Variants in KCNK2 observed in about 807,000 individuals in gnomAD.
The protein encoded by KCNK2 is potassium two pore domain channel subfamily K member 2.
In KCNK2, 21 loss-of-function variants were observed where a neutral mutation model predicts 40.5. That is an observed-to-expected ratio of 0.52 (90% CI 0.37 to 0.75). KCNK2 has a LOEUF of 0.75. Ranked by LOEUF, KCNK2 falls within the 30% of genes least tolerant of loss-of-function variation. The probability of loss-of-function intolerance (pLI) is 0.00; values close to 1 mark genes in which losing one functional copy is unlikely to be tolerated. For synonymous variants in KCNK2, 191 were observed against 202.2 expected, an observed-to-expected ratio of 0.94 and a Z score of 0.47; for missense variants, 399 against 531.6, an observed-to-expected ratio of 0.75 and a Z score of 2.45.
At position 215,129,133 on chromosome 1, in the gene KCNK2, T is replaced by G. The variant is rs141316147; in HGVS notation, c.475+4383T>G. Reference sequence around the variant, plus strand: ...ACAAGAATCAATAGGCCTTGGTGACTAATAGAATGAAGAGACAAGAGTCAA... The same window carrying G: ...ACAAGAATCAATAGGCCTTGGTGACGAATAGAATGAAGAGACAAGAGTCAA... On this transcript the variant is annotated intron_variant, in intron 3 of 6. Transcript: ENST00000444842. Among the ~76,000 whole-genome samples, 331 of 152,274 alleles carry G rather than the reference T, an allele frequency of 2.2e-3. 1 individual carries two copies. The highest frequency in any genetic ancestry group is 7.4e-3 in the African/African-American group (306 of 41,560).
At chr1:215,030,709 ATTTTTTT>A (rs66479154) in intron 1 of KCNK2, among the ~76,000 whole-genome samples, 57 of 140,256 alleles carry the variant, frequency 4.1e-4, no homozygotes, top group African/African-American at 1.5e-3. Flanking sequence ...TAATTTTTGT[ATTTTTTT>A]TTTTTTTTTT....
intron 5 of KCNK2, among the ~76,000 whole-genome samples, chr1:215,175,104 T>C (rs1663899002): frequency 6.6e-6 from 1 of 152,200 alleles, no homozygotes; most frequent in African/African-American, 2.4e-5. Context: ...GGCTGTGGGT[T>C]TGTCATAAAT....
Position 215,189,316 on chromosome 1 carries a change from C to T in KCNK2, c.824-5637C>T, listed in dbSNP as rs375614535. Among the ~76,000 whole-genome samples, 91 of 152,190 alleles carry T rather than the reference C, an allele frequency of 6.0e-4. No homozygotes were observed. In the South Asian group the frequency reaches 0.018, roughly 30 times the overall value. Reference sequence around the variant, plus strand: ...AAAAGCATTCAGTGATTGATAATTACGGCTTTGTGAGGCAGGAAGTAAATT... The same window carrying T: ...AAAAGCATTCAGTGATTGATAATTATGGCTTTGTGAGGCAGGAAGTAAATT... On this transcript the variant is annotated intron_variant, in intron 5 of 6. Coordinates refer to ENST00000444842, the MANE Select transcript of KCNK2 (RefSeq NM_001017425.3).
intron 1 of KCNK2, among the ~76,000 whole-genome samples, chr1:215,069,594 A>C (rs1658677494): frequency 6.6e-6 from 1 of 152,130 alleles, no homozygotes; most frequent in Non-Finnish European, 1.5e-5. Flanking sequence ...TTGAGTTCTT[A>C]ATATATTTGG....
intron 3 of KCNK2, among the ~76,000 whole-genome samples, chr1:215,149,834 A>G (rs752630617): frequency 3.3e-5 from 5 of 152,194 alleles, no homozygotes; most frequent in Non-Finnish European, 5.9e-5. Context: ...TTAGGTCCAC[A>G]CTCTGAAACT....
intron 1 of KCNK2, among the ~76,000 whole-genome samples, chr1:215,027,581 G>A (rs190215457): frequency 3.3e-5 from 5 of 152,194 alleles, no homozygotes; most frequent in African/African-American, 1.2e-4. Flanking sequence ...ACCCTACTTG[G>A]CCAGTTTGGG....
chr1:215,116,280 G>A (rs981618529), intron 2 of KCNK2, among the ~76,000 whole-genome samples: 5 of 152,112 alleles, frequency 3.3e-5, no homozygotes, highest in South Asian at 2.1e-4. Context: ...CTATTAAAAC[G>A]TGAATATATG....
At chr1:215,050,142 C>A (rs1468304342) in intron 1 of KCNK2, among the ~76,000 whole-genome samples, 2 of 152,028 alleles carry the variant, frequency 1.3e-5, no homozygotes, top group African/African-American at 4.8e-5. Context: ...TGAAATTCTA[C>A]TTTTTGTCTC....
chr1:215,208,821 T>C (rs1267065298), intron 6 of KCNK2, among the ~76,000 whole-genome samples: 1 of 152,052 alleles, frequency 6.6e-6, no homozygotes, highest in African/African-American at 2.4e-5. Flanking sequence ...TCAATTTCCC[T>C]TTGCCTATTC....
chr1:215,095,987 G>A (rs1659961320), intron 2 of KCNK2, among the ~76,000 whole-genome samples: 2 of 152,096 alleles, frequency 1.3e-5, no homozygotes, highest in African/African-American at 4.8e-5. Context: ...ATCAGGGAAG[G>A]CAAGAGTGGG....
At chr1:215,084,212 A>G (rs1189792942) in intron 1 of KCNK2, among the ~76,000 whole-genome samples, 2 of 134,170 alleles carry the variant, frequency 1.5e-5, no homozygotes, top group Non-Finnish European at 3.1e-5. Flanking sequence ...ACACACACAC[A>G]CACACACTCT....
At chr1:215,086,720 G>C (rs1659462608) in intron 2 of KCNK2, 42 bp downstream of exon 2, 1 of 1,558,918 alleles carries the variant, frequency 6.4e-7, no homozygotes, top group East Asian at 2.2e-5. Context: ...CCCCCAAATG[G>C]GAAATAAAGT....
rs200197016 is a variant in KCNK2, at chr1:215,010,861, T to G, written c.34+4906T>G. ...GCTCACAGGACACAGATTTTTTTTT[T>G]TTTTTTTTGTGTGTGTGTGTGTGTG... On this transcript the variant is annotated intron_variant, in intron 1 of 6. Transcript: ENST00000391895. 2.5e-3 allele frequency among the ~76,000 whole-genome samples: 337 copies of G among 133,380 alleles called. 1 individual carries two copies. Among genetic ancestry groups the G allele is most frequent in the Middle Eastern group, 7.8e-3 (2 of 258 alleles). The allele number at this position is 133,380 out of a possible 152,430, so 87.5% of individuals were successfully genotyped here. A position where few individuals can be genotyped will look rare whatever the true frequency, so the allele number is the denominator to read the frequency against.
rs189140167 is a variant in KCNK2 at position 215,051,175 on chromosome 1, A to C, written c.35-35193A>C. Among the ~76,000 whole-genome samples, 443 of 152,288 alleles carry C rather than the reference A, an allele frequency of 2.9e-3. 5 individuals are homozygous for C. Among genetic ancestry groups the C allele is most frequent in the African/African-American group, 0.01 (427 of 41,548 alleles). Reference sequence around the variant, plus strand: ...ACCGCCACCTCGAAATCCTAGATTCAAGCAATCCTCCTCCTTCAGCCTCCT... The same window carrying C: ...ACCGCCACCTCGAAATCCTAGATTCCAGCAATCCTCCTCCTTCAGCCTCCT... On this transcript the variant is annotated intron_variant, in intron 1 of 6. Transcript: ENST00000391895.
chr1:215,169,087 G>C (rs1663579003), intron 3 of KCNK2, 112 bp from the exon 4 acceptor site: 1 of 727,896 alleles, frequency 1.4e-6, no homozygotes, highest in Non-Finnish European at 2.2e-6. Flanking sequence ...TTCTTAACTA[G>C]TCAAAATCAA....
chr1:215,167,938 T>C (rs1663521042), intron 3 of KCNK2, among the ~76,000 whole-genome samples: 1 of 152,078 alleles, frequency 6.6e-6, no homozygotes, highest in Non-Finnish European at 1.5e-5. Flanking sequence ...ACAGGCAACC[T>C]ACAGAATGGA....
chr1:215,044,112 C>G (rs1657661515), intron 1 of KCNK2, among the ~76,000 whole-genome samples: 1 of 152,048 alleles, frequency 6.6e-6, no homozygotes, highest in South Asian at 2.1e-4. Flanking sequence ...TGTACAGGTT[C>G]TTTAAGTACA....
rs532739227 is a variant in KCNK2 at position 215,188,562 on chromosome 1, A to G, written c.824-6391A>G. The stretch of plus-strand genomic sequence containing the variant: ...TTTAAGAGAATTTTATTATGAAAAC[A>G]TAAATCTCTTTAAAAAACCATGGCA... On this transcript the variant is annotated intron_variant, in intron 5 of 6. Transcript: ENST00000444842. Among the ~76,000 whole-genome samples, 128 of 152,290 alleles carry G rather than the reference A, an allele frequency of 8.4e-4. 2 individuals carry two copies. The highest frequency in any genetic ancestry group is 3.1e-3 in the African/African-American group (128 of 41,564).
intron 6 of KCNK2, among the ~76,000 whole-genome samples, chr1:215,221,784 C>T (rs1164961934): frequency 3.3e-5 from 5 of 152,200 alleles, no homozygotes; most frequent in African/African-American, 7.2e-5. Flanking sequence ...AATCATATAA[C>T]AGTGTATGAA....
Sources: allele counts gnomAD v4.1 joint callset (sites outside exome capture counted in the v4.1 genomes callset), GRCh38; gene constraint gnomAD v4.1.1; transcripts MANE v1.5; gene names NCBI Gene and HGNC (gene_info 2026-07-23, HGNC 2026-07-21).